The following ZCWPW2 variants were observed in gnomAD, a reference collection of about 807,000 sequenced individuals.
ZCWPW2 encodes zinc finger CW-type PWWP domain protein 2.
ZCWPW2 carries 45 observed loss-of-function variants against 46.6 expected under a neutral mutation model. That is an observed-to-expected ratio of 0.96 (90% CI 0.76 to 1.24). The LOEUF is 1.24. ZCWPW2 is among the 50% of genes most tolerant of loss of function. ZCWPW2 has a pLI of 0.00. For synonymous variants in ZCWPW2, 152 were observed against 137.1 expected (o/e 1.11, Z -0.76); for missense variants, 429 against 403.9 (o/e 1.06, Z -0.53).
intron 1 of ZCWPW2, among the ~76,000 whole-genome samples, chr3:28,350,041 C>A (rs1288383567): frequency 1.3e-5 from 2 of 152,064 alleles, no homozygotes; most frequent in Non-Finnish European, 2.9e-5. Context: ...TTAATGTTAT[C>A]GTTGAGAAAG....
rs949123018 is a variant in ZCWPW2, at chr3:28,413,107, T to C, written c.39T>C (p.Cys13=). 2 of 1,612,542 alleles carry C rather than the reference T, an allele frequency of 1.2e-6. No individual in the cohort carries two copies. The highest frequency in any genetic ancestry group is 4.5e-5 in the East Asian group (2 of 44,808). Residue 13 remains cysteine, a synonymous_variant, in exon 3 of 10, where the codon TGT becomes TGC. Transcript: ENST00000383768. ...KEKLDVKIEY[C]NYAMDSSVEN... Reference sequence around the variant, plus strand: ...AATTGGATGTTAAGATTGAATATTGTAACTATGCAATGGATTCCTCAGTGG... The same window carrying C: ...AATTGGATGTTAAGATTGAATATTGCAACTATGCAATGGATTCCTCAGTGG...
At chr3:28,406,039 T>G in intron 2 of ZCWPW2, among the ~76,000 whole-genome samples, 1 of 152,160 alleles carries the variant, frequency 6.6e-6, no homozygotes, top group Admixed American at 6.5e-5. Flanking sequence ...TTTGTGGAAG[T>G]AGAACTGTGA....
intron 6 of ZCWPW2, among the ~76,000 whole-genome samples, chr3:28,503,109 G>A (rs113746268): frequency 0.02 from 3,042 of 152,142 alleles, 217 homozygotes; most frequent in Admixed American, 0.13. Context: ...AAAATCTGGT[G>A]CTGCAGATTC....
At chr3:28,520,889 T>G (rs1700703984) in intron 8 of ZCWPW2, 103 bp from the exon 9 acceptor site, 3 of 1,360,342 alleles carry the variant, frequency 2.2e-6, no homozygotes, top group South Asian at 1.3e-5. Flanking sequence ...TATTTTACCT[T>G]GTAGCATTTA....
At chr3:28,359,268 A>G (rs1704849114) in intron 1 of ZCWPW2, among the ~76,000 whole-genome samples, 1 of 152,168 alleles carries the variant, frequency 6.6e-6, no homozygotes, top group South Asian at 2.1e-4. Context: ...TTTGTGAAAA[A>G]TATAACTGTT....
chr3:28,368,369 C>T (rs970421200), intron 1 of ZCWPW2, among the ~76,000 whole-genome samples: 1 of 152,140 alleles, frequency 6.6e-6, no homozygotes, highest in Non-Finnish European at 1.5e-5. Flanking sequence ...GACAAAATCT[C>T]TCAACATTTG....
chr3:28,355,741 C>G (rs1704708119), intron 1 of ZCWPW2, among the ~76,000 whole-genome samples: 1 of 152,204 alleles, frequency 6.6e-6, no homozygotes, highest in Non-Finnish European at 1.5e-5. Context: ...CAGAAACAAG[C>G]AATGAGGAAA....
At chr3:28,372,149 A>G (rs1705357147) in intron 1 of ZCWPW2, among the ~76,000 whole-genome samples, 1 of 152,064 alleles carries the variant, frequency 6.6e-6, no homozygotes, top group Admixed American at 6.6e-5. Flanking sequence ...TTACCTTGCT[A>G]AAATTCATAC....
At chr3:28,395,003 A>G (rs1695640318) in intron 2 of ZCWPW2, among the ~76,000 whole-genome samples, 1 of 152,134 alleles carries the variant, frequency 6.6e-6, no homozygotes, top group South Asian at 2.1e-4. Context: ...TGTAAGCCAT[A>G]CATCTGATAA....
At chr3:28,456,848 T>C (rs1698442737) in intron 4 of ZCWPW2, among the ~76,000 whole-genome samples, 1 of 152,218 alleles carries the variant, frequency 6.6e-6, no homozygotes. Flanking sequence ...ATAAGCTTTT[T>C]GATGTGCTGC....
intron 4 of ZCWPW2, among the ~76,000 whole-genome samples, chr3:28,455,791 C>A (rs1038034760): frequency 6.6e-6 from 1 of 151,950 alleles, no homozygotes; most frequent in African/African-American, 2.4e-5. Context: ...GATCAGATAA[C>A]TTAGATGTGG....
chr3:28,359,499 G>C (rs559876826), intron 1 of ZCWPW2, among the ~76,000 whole-genome samples: 1 of 152,108 alleles, frequency 6.6e-6, no homozygotes, highest in Non-Finnish European at 1.5e-5. Context: ...ATAATAGCTT[G>C]AGTTGAAGAA....
At chr3:28,489,666 G>GCACACA (rs757022295) in intron 5 of ZCWPW2, among the ~76,000 whole-genome samples, 15 of 147,438 alleles carry the variant, frequency 1.0e-4, no homozygotes, top group African/African-American at 3.8e-4. Context: ...ACACACACGC[G>GCACACA]CGCACACACA....
intron 4 of ZCWPW2, among the ~76,000 whole-genome samples, chr3:28,468,806 A>G (rs972218512): frequency 3.9e-5 from 6 of 152,184 alleles, no homozygotes; most frequent in Non-Finnish European, 8.8e-5. Context: ...CCTGTCCTAC[A>G]AGAAATGATA....
rs1695622143 is a variant in ZCWPW2, at chr3:28,394,564, T to C, written c.-14+3947T>C. Reference sequence around the variant, plus strand: ...AAACAGTATGGTGGCATCATAAAAATAGACATATAAGCAAGAGGAAGAGAC... The same window carrying C: ...AAACAGTATGGTGGCATCATAAAAACAGACATATAAGCAAGAGGAAGAGAC... On this transcript the variant is annotated intron_variant, in intron 2 of 9. Coordinates refer to ENST00000383768, the MANE Select transcript of ZCWPW2 (RefSeq NM_001040432.4). Among the ~76,000 whole-genome samples, 3 of 151,958 alleles carry C rather than the reference T, an allele frequency of 2.0e-5. No individual in the cohort carries two copies. The South Asian group carries it at 6.2e-4, about 32-fold the overall frequency.
intron 4 of ZCWPW2, among the ~76,000 whole-genome samples, chr3:28,445,975 GAGATAGCT>G (rs1330368846): frequency 2.6e-5 from 4 of 152,076 alleles, no homozygotes; most frequent in Admixed American, 6.5e-5. Flanking sequence ...ATAGCAAGAA[GAGATAGCT>G]ATTATAAACA....
In ZCWPW2 at chr3:28,413,057, T is replaced by C. The variant is rs776964094; in HGVS notation, c.-12T>C. 2.5e-6 allele frequency: 4 copies of C among 1,593,398 alleles called. No homozygotes were observed. The African/African-American group carries it at 5.4e-5, about 21-fold the overall frequency. ...ATTTTCCTCTTTCTTATTTTCCAGA[T>C]TAAATGCCTTAATGGATAAAGAAAA... On this transcript the variant is annotated splice_region_variant and 5_prime_UTR_variant, in exon 3 of 10. Transcript: ENST00000383768.
At chr3:28,358,236 A>G (rs1373707440) in intron 1 of ZCWPW2, among the ~76,000 whole-genome samples, 1 of 152,132 alleles carries the variant, frequency 6.6e-6, no homozygotes, top group African/African-American at 2.4e-5. Context: ...TGTTATCATT[A>G]TACTTCTCTT....
intron 5 of ZCWPW2, among the ~76,000 whole-genome samples, chr3:28,484,917 T>C (rs949996939): frequency 2.6e-5 from 4 of 152,128 alleles, no homozygotes; most frequent in Non-Finnish European, 5.9e-5. Context: ...ATTTCTGCTC[T>C]TTTATTTTTT....
Sources: allele counts gnomAD v4.1 joint callset (sites outside exome capture counted in the v4.1 genomes callset), GRCh38; gene constraint gnomAD v4.1.1; transcripts MANE v1.5; gene names NCBI Gene and HGNC (gene_info 2026-07-23, HGNC 2026-07-21).